The following KBTBD8 variants were observed in gnomAD, a reference collection of about 807,000 sequenced individuals.
KBTBD8 encodes kelch repeat and BTB domain containing 8, also known as kelch repeat and BTB domain-containing protein 8.
Under a neutral mutation model 53.5 loss-of-function variants are expected in KBTBD8, and 31 were observed. The observed-to-expected ratio is 0.58, with a 90% CI of 0.44 to 0.78. KBTBD8 has a LOEUF of 0.78. Among genes scored for constraint, KBTBD8 ranks in the 30% least tolerant of loss-of-function variants. The pLI is 0.00. For missense variants in KBTBD8, 642 were observed against 735.8 expected, an observed-to-expected ratio of 0.87 and a Z score of 1.48; for synonymous variants, 250 against 247.3, an observed-to-expected ratio of 1.01 and a Z score of -0.10.
intron 3 of KBTBD8, 148 bp from the exon 4 acceptor site, chr3:67,007,774 A>G (rs1702081109): frequency 5.4e-6 from 3 of 556,406 alleles, no homozygotes; most frequent in East Asian, 2.8e-5. Context: ...ATATGAATGT[A>G]TCTCTGGAGA....
In KBTBD8 at chr3:67,010,184, TATC is replaced by T. The variant is rs1475377980; in HGVS notation, c.*1805_*1807del. The T allele has an allele frequency of 6.6e-6, 1 of 152,630 alleles. No individual in the cohort carries two copies. Among genetic ancestry groups the T allele is most frequent in the Admixed American group, 6.5e-5 (1 of 15,288 alleles). The allele number at this position is 152,630 out of a possible 1,614,324, so 9.5% of individuals were successfully genotyped here. ...TTATCTTCTGTTTTGTTTTTGTTTT[TATC>T]ATCATGATGTTTTGGAGTTATTACT... On this transcript the variant is annotated 3_prime_UTR_variant, in exon 4 of 4. Coordinates refer to ENST00000417314, the MANE Select transcript of KBTBD8 (RefSeq NM_032505.3).
intron 3 of KBTBD8, among the ~76,000 whole-genome samples, chr3:67,007,199 T>C (rs1219059335): frequency 1.3e-5 from 2 of 152,220 alleles, no homozygotes; most frequent in Non-Finnish European, 2.9e-5. Context: ...ATGATGATGT[T>C]ACATGTATGC....
Position 67,004,084 on chromosome 3 carries a change from A to T in KBTBD8, c.1117A>T (p.Lys373Ter). The change falls in exon 3 of 4, where the codon AAA (lysine) becomes TAA (stop). Residue 373 changes from lysine (K) to a stop codon, truncating the protein, a stop_gained. Transcript: ENST00000417314. LOFTEE classifies it high-confidence loss of function. ...TCATTCCACCAATAGATGGCTATCC[A>T]AACCATCCTTGCTTCGAGCCAGAAT... ...YDHSTNRWLSKPSLLRARIGC... is the reference protein window; with the variant it reads ...YDHSTNRWLS 6.2e-7 allele frequency: 1 copy of T among 1,614,224 alleles called. No homozygotes were observed.
intron 2 of KBTBD8, among the ~76,000 whole-genome samples, chr3:66,999,874 C>T (rs954502681): frequency 6.6e-5 from 10 of 152,132 alleles, no homozygotes; most frequent in Admixed American, 5.9e-4. Context: ...GTATGTTAAA[C>T]GAAGTTTTTG....
Position 67,008,469 on chromosome 3 carries a change from A to G in KBTBD8, c.*84A>G, listed in dbSNP as rs538725352. 5 of 954,900 alleles carry G rather than the reference A, an allele frequency of 5.2e-6. No homozygotes were observed. The South Asian group carries it at 6.7e-5, about 13-fold the overall frequency. The allele number at this position is 954,900 out of a possible 1,614,324, so 59.2% of individuals were successfully genotyped here. A position where few individuals can be genotyped will look rare whatever the true frequency, so the allele number is the denominator to read the frequency against. ...TACAAAAGAGTGCTGACAGTATTTC[A>G]GAAAGCTGAGAGAGTTTTATACATG... is the stretch of plus-strand genomic sequence containing the variant. On this transcript the variant is annotated 3_prime_UTR_variant, in exon 4 of 4. Coordinates refer to ENST00000417314, the MANE Select transcript of KBTBD8 (RefSeq NM_032505.3).
In KBTBD8 at chr3:67,010,865, G is replaced by T. The variant is rs7623808; in HGVS notation, c.*2480G>T. The T allele has an allele frequency of 0.17, 26,141 of 152,486 alleles. 2,468 individuals are homozygous for T. The highest frequency in any genetic ancestry group is 0.25 in the African/African-American group (10,456 of 41,456). 9.4% of individuals were successfully genotyped at this position (152,486 alleles called of 1,614,324 possible). On this transcript the variant is annotated 3_prime_UTR_variant, in exon 4 of 4. Coordinates refer to ENST00000417314, the MANE Select transcript of KBTBD8 (RefSeq NM_032505.3). ...GTATGTAGCACTTTCCTATATATTT[G>T]TCACACATTGAAAACTGGACTGGGT... is the stretch of plus-strand genomic sequence containing the variant.
rs770587096 is a variant in KBTBD8 at position 67,003,769 on chromosome 3, A to G, written c.802A>G (p.Lys268Glu). 3 of 1,614,034 alleles carry G rather than the reference A, an allele frequency of 1.9e-6. No individual in the cohort carries two copies. Among genetic ancestry groups the G allele is most frequent in the Non-Finnish European group, 2.5e-6 (3 of 1,180,010 alleles). The change falls in exon 3 of 4, where the codon AAG becomes GAG. Residue 268 changes from lysine to glutamate, a missense_variant. Coordinates refer to ENST00000417314, the MANE Select transcript of KBTBD8 (RefSeq NM_032505.3). Reference sequence around the variant, plus strand: ...GGCTATAGCCAAAAGCTGTGTAGAAAAGGGACCATCCAACACCAATGGCTG... The same window carrying G: ...GGCTATAGCCAAAAGCTGTGTAGAAGAGGGACCATCCAACACCAATGGCTG... ...AQAIAKSCVEKGPSNTNGCTQ... is the reference protein window; with the variant it reads ...AQAIAKSCVEEGPSNTNGCTQ...
At chr3:67,000,305 A>C (rs929640680) in intron 2 of KBTBD8, among the ~76,000 whole-genome samples, 2 of 152,198 alleles carry the variant, frequency 1.3e-5, no homozygotes, top group African/African-American at 4.8e-5. Context: ...AGAAAAAAAA[A>C]CTCACATATG....
chr3:67,001,585 C>T (rs1370418911), intron 2 of KBTBD8, among the ~76,000 whole-genome samples: 2 of 152,180 alleles, frequency 1.3e-5, no homozygotes, highest in Non-Finnish European at 2.9e-5. Context: ...GAGTTAATGT[C>T]TCCCTAATGC....
rs76838758 is a variant in KBTBD8 at position 67,003,576 on chromosome 3, C to T, written c.609C>T (p.Asp203=). The stretch of plus-strand genomic sequence containing the variant: ...AACTGATAAGTATACTAGACAGTGA[C>T]GATTTAAATGTAGACCGAGAAGAGC... The part of the protein sequence containing the change: ...KDQLISILDS[D]DLNVDREEHV... Residue 203 remains aspartate, a synonymous_variant, in exon 3 of 4, where the codon GAC becomes GAT. Coordinates refer to ENST00000417314, the MANE Select transcript of KBTBD8 (RefSeq NM_032505.3). The T allele has an allele frequency of 1.1e-3, 1,797 of 1,613,788 alleles. 24 individuals carry two copies. The East Asian group carries it at 0.026, about 24-fold the overall frequency.
chr3:67,004,464 A>G (rs1702046991), intron 3 of KBTBD8, among the ~76,000 whole-genome samples, 155 bp downstream of exon 3: 1 of 152,234 alleles, frequency 6.6e-6, no homozygotes, highest in African/African-American at 2.4e-5. Context: ...AAAGAGCTAT[A>G]AAGAAAATAA....
At chr3:66,998,616 A>G (rs773122128) in intron 1 of KBTBD8, among the ~76,000 whole-genome samples, 17 of 151,396 alleles carry the variant, frequency 1.1e-4, no homozygotes, top group Non-Finnish European at 1.5e-4. Context: ...AGGCGGCTTG[A>G]GGGGGCACCG....
rs775785312 is a variant in KBTBD8, at chr3:66,999,230, A to T, written c.227+39A>T. ...AGGAACTTCTGTTGGTATCTGCACC[A>T]AGCTCCCTTTCCCCCTCAGTATTGT... On this transcript the variant is annotated intron_variant, in intron 2 of 3. Coordinates refer to ENST00000417314, the MANE Select transcript of KBTBD8 (RefSeq NM_032505.3). 2.0e-6 allele frequency: 3 copies of T among 1,487,682 alleles called. No homozygotes were observed. In the East Asian group the frequency reaches 6.8e-5, roughly 34 times the overall value. The allele number at this position is 1,487,682 out of a possible 1,614,324, so 92.2% of individuals were successfully genotyped here. A position where few individuals can be genotyped will look rare whatever the true frequency, so the allele number is the denominator to read the frequency against.
At position 67,003,212 on chromosome 3, in the gene KBTBD8, G is replaced by T; in HGVS notation, c.245G>T (p.Gly82Val). The T allele has an allele frequency of 6.2e-7, 1 of 1,613,132 alleles. No homozygotes were observed. Residue 82 changes from glycine (G) to valine (V), a missense_variant, in exon 3 of 4, where the codon GGC (glycine) becomes GTC (valine). Physicochemically the swap from Gly to Val is moderately radical, Grantham distance 109. Transcript: ENST00000417314. ...SPYFRSMFTS[G>V]LTESTQKEVR... Reference sequence around the variant, plus strand: ...CTTCTTAGATCCATGTTCACTAGCGGCCTTACAGAAAGTACTCAAAAAGAA... The same window carrying T: ...CTTCTTAGATCCATGTTCACTAGCGTCCTTACAGAAAGTACTCAAAAAGAA...
chr3:67,009,021 T>C lies in KBTBD8; in HGVS notation c.*636T>C, dbSNP rs1702094711. The C allele has an allele frequency of 6.5e-6, 1 of 152,678 alleles. No individual in the cohort carries two copies. Among genetic ancestry groups the C allele is most frequent in the Admixed American group, 6.5e-5 (1 of 15,280 alleles). The allele number at this position is 152,678 out of a possible 1,614,324, so 9.5% of individuals were successfully genotyped here. On this transcript the variant is annotated 3_prime_UTR_variant, in exon 4 of 4. Transcript: ENST00000417314. ...TTAAGCTAAAGTTTTAAAGTGGCAG[T>C]TTTCTGTCGATGACTTTTTCAAGTG...
chr3:66,999,023 C>T lies in KBTBD8; in HGVS notation c.59C>T (p.Ser20Leu). ...CCAACACCGAATGGGATTCCATCTT[C>T]AGACCCAGCCAGCGATGCCATGGAC... ...SSPTPNGIPS[S>L]DPASDAMDPF... The change falls in exon 2 of 4, where the codon TCA (serine) becomes TTA (leucine). Residue 20 changes from serine (S) to leucine (L), a missense_variant. Transcript: ENST00000417314. 1 of 1,613,602 alleles carries T rather than the reference C, an allele frequency of 6.2e-7. No individual in the cohort carries two copies. The highest frequency in any genetic ancestry group is 8.5e-7 in the Non-Finnish European group (1 of 1,179,694).
Position 66,999,149 on chromosome 3 carries a change from C to T in KBTBD8, c.185C>T (p.Ser62Phe), listed in dbSNP as rs529052539. 7 of 1,614,198 alleles carry T rather than the reference C, an allele frequency of 4.3e-6. No homozygotes were observed. In the South Asian group the frequency reaches 4.4e-5, roughly 10 times the overall value. Residue 62 changes from serine to phenylalanine, a missense_variant, in exon 2 of 4, where the codon TCC becomes TTC. Transcript: ENST00000417314. ...VVEVDHGKTFSCHRNVLAAIS... is the reference protein window; with the variant it reads ...VVEVDHGKTFFCHRNVLAAIS... Reference sequence around the variant, plus strand: ...GAAGTGGATCACGGGAAAACATTTTCCTGTCATAGAAACGTTCTTGCTGCA... The same window carrying T: ...GAAGTGGATCACGGGAAAACATTTTTCTGTCATAGAAACGTTCTTGCTGCA...
In KBTBD8 at chr3:66,999,064, A is replaced by C. The variant is rs760214804; in HGVS notation, c.100A>C (p.Ser34Arg). Reference protein sequence around the residue: ...SDAMDPFHACSILKQLKTMYD... With the variant: ...SDAMDPFHACRILKQLKTMYD... ...TGCCATGGACCCCTTCCATGCTTGC[A>C]GTATTCTTAAGCAACTCAAAACAAT... Residue 34 changes from serine (S) to arginine (R), a missense_variant, in exon 2 of 4, where the codon AGT becomes CGT. Ser to Arg is a moderately radical substitution (Grantham distance 110). Transcript: ENST00000417314. 2.5e-6 allele frequency: 4 copies of C among 1,614,218 alleles called. No homozygotes were observed. The highest frequency in any genetic ancestry group is 3.4e-6 in the Non-Finnish European group (4 of 1,180,028).
chr3:67,003,562 A>C lies in KBTBD8; in HGVS notation c.595A>C (p.Ile199Leu). Residue 199 changes from isoleucine to leucine, a missense_variant, in exon 3 of 4, where the codon ATA (isoleucine) becomes CTA (leucine). Physicochemically the swap from Ile to Leu is conservative, Grantham distance 5. Coordinates refer to ENST00000417314, the MANE Select transcript of KBTBD8 (RefSeq NM_032505.3). ...GTTGACAAAAGACCAACTGATAAGT[A>C]TACTAGACAGTGACGATTTAAATGT... ...LQLTKDQLIS[I>L]LDSDDLNVDR... The C allele has an allele frequency of 6.2e-7, 1 of 1,614,102 alleles. No individual in the cohort carries two copies. Among genetic ancestry groups the C allele is most frequent in the Non-Finnish European group, 8.5e-7 (1 of 1,179,952 alleles).
Sources: gnomAD v4.1 joint callset for allele counts (sites outside exome capture counted in the v4.1 genomes callset) on GRCh38, gnomAD v4.1.1 for gene constraint, MANE v1.5 for transcripts, NCBI Gene and HGNC (gene_info 2026-07-23, HGNC 2026-07-21) for gene names.